SLC39A8: variants seen among roughly 807,000 people sequenced by gnomAD.
The protein encoded by SLC39A8 is solute carrier family 39 member 8, also known as metal cation symporter ZIP8.
SLC39A8 carries 15 observed loss-of-function variants against 40.4 expected under a neutral mutation model. That is an observed-to-expected ratio of 0.37 (90% CI 0.25 to 0.57). SLC39A8 has a LOEUF of 0.57. Among genes scored for constraint, SLC39A8 ranks in the 20% least tolerant of loss-of-function variants. The pLI is 0.75. For synonymous variants in SLC39A8, 223 were observed against 221.6 expected (o/e 1.01, Z -0.06); for missense variants, 472 against 558.8 (o/e 0.84, Z 1.57).
intron 6 of SLC39A8, among the ~76,000 whole-genome samples, chr4:102,290,964 T>C (rs2149024214): frequency 6.6e-6 from 1 of 152,178 alleles, no homozygotes; most frequent in Non-Finnish European, 1.5e-5. Flanking sequence ...ATTTTTTCTC[T>C]AGAAATGTGC....
At chr4:102,325,660 T>G (rs1156251833) in intron 2 of SLC39A8, among the ~76,000 whole-genome samples, 1 of 152,198 alleles carries the variant, frequency 6.6e-6, no homozygotes, top group East Asian at 1.9e-4. Flanking sequence ...GTGGTAAAAT[T>G]ATGTGTGGTT....
At position 102,262,520 on chromosome 4, in the gene SLC39A8, A is replaced by G. The variant is rs2149001019; in HGVS notation, c.*524T>C. 1.0e-6 allele frequency: 1 copy of G among 985,402 alleles called. No individual in the cohort carries two copies. The highest frequency in any genetic ancestry group is 6.1e-5 in the Admixed American group (1 of 16,282). The allele number at this position is 985,402 out of a possible 1,614,324, so 61.0% of individuals were successfully genotyped here. On this transcript the variant is annotated 3_prime_UTR_variant, in exon 9 of 9. Coordinates refer to ENST00000356736, the MANE Select transcript of SLC39A8 (RefSeq NM_001135146.2). ...AAAACAGAACAAAAAGCTGTGAGAA[A>G]TCTTTTTTTTCTTTGGCTCCTTAAA...
At chr4:102,325,285 C>A (rs1735147818) in intron 2 of SLC39A8, among the ~76,000 whole-genome samples, 1 of 152,112 alleles carries the variant, frequency 6.6e-6, no homozygotes, top group Admixed American at 6.6e-5. Flanking sequence ...GTGACCCCAA[C>A]TCTGTTTCCC....
chr4:102,284,834 A>G (rs1733084735), intron 6 of SLC39A8, among the ~76,000 whole-genome samples: 1 of 57,240 alleles, frequency 1.7e-5, no homozygotes, highest in Non-Finnish European at 3.6e-5. Context: ...TTTGCAACCC[A>G]GGAAACTATA....
intron 11 of SLC39A8, among the ~76,000 whole-genome samples, chr4:102,256,016 G>T (rs1578548387): frequency 4.6e-5 from 7 of 152,208 alleles, no homozygotes; most frequent in Admixed American, 4.6e-4. Context: ...AAACACAAAA[G>T]ATACAAAAAG....
intron 6 of SLC39A8, among the ~76,000 whole-genome samples, chr4:102,303,996 G>A (rs1470661622): frequency 6.6e-6 from 1 of 151,820 alleles, no homozygotes; most frequent in Non-Finnish European, 1.5e-5. Flanking sequence ...TCAAAGAATT[G>A]TAAAATAAAT....
intron 2 of SLC39A8, among the ~76,000 whole-genome samples, chr4:102,330,320 T>C (rs1735395590): frequency 6.6e-6 from 1 of 151,934 alleles, no homozygotes; most frequent in Non-Finnish European, 1.5e-5. Flanking sequence ...AAAGGACATA[T>C]TAAAAATGAT....
At chr4:102,294,065 A>C (rs755683974) in intron 6 of SLC39A8, among the ~76,000 whole-genome samples, 1 of 152,058 alleles carries the variant, frequency 6.6e-6, no homozygotes, top group Non-Finnish European at 1.5e-5. Context: ...CTGGATCCTC[A>C]TATACAAAAA....
intron 6 of SLC39A8, among the ~76,000 whole-genome samples, chr4:102,296,755 T>C (rs367998643): frequency 1.8e-3 from 279 of 152,198 alleles, no homozygotes; most frequent in African/African-American, 6.5e-3. Flanking sequence ...ACCAGGAAAG[T>C]ATTACAGCAG....
chr4:102,251,150 G>A (rs755050258), exon 12 of SLC39A8: 4 of 152,172 alleles, frequency 2.6e-5, no homozygotes, highest in Non-Finnish European at 5.9e-5. Flanking sequence ...ATAATGTATA[G>A]GAATCAGATT....
chr4:102,328,703 G>C (rs565563649), intron 2 of SLC39A8, among the ~76,000 whole-genome samples: 1 of 152,280 alleles, frequency 6.6e-6, no homozygotes, highest in Non-Finnish European at 1.5e-5. Context: ...GGACCATACA[G>C]ACTATTGCAG....
At chr4:102,251,198 A>G (rs539639189) in exon 12 of SLC39A8, 1 of 152,310 alleles carries the variant, frequency 6.6e-6, no homozygotes, top group Admixed American at 6.5e-5. Flanking sequence ...AATAGTTGTC[A>G]TTTCTTTGTG....
chr4:102,341,594 T>C (rs1578634899), intron 2 of SLC39A8, among the ~76,000 whole-genome samples: 1 of 152,218 alleles, frequency 6.6e-6, no homozygotes, highest in East Asian at 1.9e-4. Context: ...CTCTTCTTTG[T>C]TGTTTTGGTC....
chr4:102,276,604 T>C (rs971798600), intron 6 of SLC39A8, among the ~76,000 whole-genome samples: 7 of 151,934 alleles, frequency 4.6e-5, no homozygotes, highest in African/African-American at 1.7e-4. Flanking sequence ...TTCCAAACAA[T>C]AGAAAAAGAG....
intron 4 of SLC39A8, among the ~76,000 whole-genome samples, chr4:102,305,476 A>G (rs886907952): frequency 5.9e-5 from 9 of 152,020 alleles, no homozygotes; most frequent in Admixed American, 3.3e-4. Context: ...TAATGAAGAT[A>G]AATGAGATAT....
intron 6 of SLC39A8, among the ~76,000 whole-genome samples, chr4:102,299,796 T>C (rs1330399442): frequency 6.6e-6 from 1 of 152,114 alleles, no homozygotes; most frequent in Non-Finnish European, 1.5e-5. Context: ...TGATGACAGA[T>C]TGCTGGAGGA....
intron 6 of SLC39A8, 139 bp downstream of exon 6, chr4:102,304,178 A>T (rs1443382041): frequency 1.2e-5 from 7 of 571,922 alleles, no homozygotes; most frequent in Non-Finnish European, 2.1e-5. Flanking sequence ...ATGCAGACTT[A>T]CATTCCAGTT....
intron 11 of SLC39A8, among the ~76,000 whole-genome samples, chr4:102,255,153 G>T (rs1731679540): frequency 6.6e-6 from 1 of 152,164 alleles, no homozygotes; most frequent in Admixed American, 6.5e-5. Context: ...TGAAGTTCCA[G>T]AAAGTGCTGA....
At chr4:102,265,204 C>T (rs550113189) in intron 8 of SLC39A8, among the ~76,000 whole-genome samples, 1 of 152,266 alleles carries the variant, frequency 6.6e-6, no homozygotes, top group East Asian at 1.9e-4. Flanking sequence ...GCAGCTCTTC[C>T]TTTCACTTGA....
Sources: allele counts gnomAD v4.1 joint callset (sites outside exome capture counted in the v4.1 genomes callset), GRCh38; gene constraint gnomAD v4.1.1; transcripts MANE v1.5; gene names NCBI Gene and HGNC (gene_info 2026-07-23, HGNC 2026-07-21).